The following DOCK10 variants were observed in gnomAD, a reference collection of about 807,000 sequenced individuals.
DOCK10 encodes dedicator of cytokinesis protein 10.
DOCK10 carries 145 observed loss-of-function variants against 280.1 expected under a neutral mutation model. The observed-to-expected ratio is 0.52, with a 90% CI of 0.45 to 0.59. The LOEUF is 0.59. Ranked by LOEUF, DOCK10 falls within the 20% of genes least tolerant of loss-of-function variation. The pLI is 0.00. For synonymous variants in DOCK10, 915 were observed against 942.2 expected (o/e 0.97, Z 0.53); for missense variants, 2,368 against 2,651.7 (o/e 0.89, Z 2.35).
intron 1 of DOCK10, among the ~76,000 whole-genome samples, chr2:224,980,761 C>G (rs903707819): frequency 6.6e-6 from 1 of 152,104 alleles, no homozygotes; most frequent in African/African-American, 2.4e-5. Flanking sequence ...ATTCGGGGAA[C>G]TGGTATTTAG....
intron 18 of DOCK10, among the ~76,000 whole-genome samples, chr2:224,851,819 C>CAT (rs1490968864): frequency 8.5e-5 from 13 of 152,256 alleles, no homozygotes; most frequent in Admixed American, 3.3e-4. Context: ...CCCGTTGCAG[C>CAT]TTTGTAGAGT....
intron 1 of DOCK10, among the ~76,000 whole-genome samples, chr2:224,964,107 G>A (rs528701262): frequency 1.7e-4 from 26 of 152,006 alleles, no homozygotes; most frequent in African/African-American, 6.3e-4. Flanking sequence ...GATGCGGAGG[G>A]TGTTAGCACA....
intron 40 of DOCK10, among the ~76,000 whole-genome samples, chr2:224,800,631 C>T (rs570257673): frequency 1.5e-4 from 23 of 152,312 alleles, no homozygotes; most frequent in Admixed American, 1.1e-3. Flanking sequence ...CTCGGAAAGT[C>T]ACAAAGTGTC....
chr2:224,827,853 C>A (rs1309258338), intron 27 of DOCK10, among the ~76,000 whole-genome samples: 2 of 152,324 alleles, frequency 1.3e-5, no homozygotes, highest in South Asian at 4.1e-4. Flanking sequence ...CAAGCCATTT[C>A]TGTCATACTA....
At chr2:224,872,356 G>T (rs1280105078) in intron 11 of DOCK10, among the ~76,000 whole-genome samples, 1 of 152,188 alleles carries the variant, frequency 6.6e-6, no homozygotes, top group African/African-American at 2.4e-5. Context: ...ACTTGAAATA[G>T]GCATTGTTAT....
chr2:224,914,875 C>A (rs945551907), intron 3 of DOCK10, among the ~76,000 whole-genome samples: 2 of 152,118 alleles, frequency 1.3e-5, no homozygotes, highest in Non-Finnish European at 2.9e-5. Flanking sequence ...TAAATACGAA[C>A]TATTAGGATA....
At chr2:224,793,527 G>A in intron 45 of DOCK10, 70 bp from the exon 46 acceptor site, 1 of 1,232,748 alleles carries the variant, frequency 8.1e-7, no homozygotes, top group Non-Finnish European at 1.2e-6. Flanking sequence ...ATCTTCCAAG[G>A]CGAGTCAGTA....
intron 31 of DOCK10, among the ~76,000 whole-genome samples, chr2:224,812,707 A>G (rs2125267190): frequency 6.6e-6 from 1 of 152,272 alleles, no homozygotes; most frequent in Admixed American, 6.5e-5. Flanking sequence ...GCATTGTTGA[A>G]TTTTGTCAAA....
chr2:224,776,226 TC>T (rs1253806246), intron 51 of DOCK10, among the ~76,000 whole-genome samples: 1 of 152,180 alleles, frequency 6.6e-6, no homozygotes, highest in Non-Finnish European at 1.5e-5. Flanking sequence ...GCCTATCCAG[TC>T]CCAGAGATTT....
intron 7 of DOCK10, among the ~76,000 whole-genome samples, chr2:224,882,440 A>G (rs1023030702): frequency 2.0e-5 from 3 of 152,184 alleles, no homozygotes; most frequent in African/African-American, 7.2e-5. Context: ...GCCAAGATTC[A>G]GGAAATTGTC....
intron 50 of DOCK10, among the ~76,000 whole-genome samples, chr2:224,785,265 C>T (rs1009250640): frequency 6.7e-6 from 1 of 148,166 alleles, no homozygotes; most frequent in Non-Finnish European, 1.5e-5. Flanking sequence ...GATTCTTTTC[C>T]ATGGACCCCA....
intron 1 of DOCK10, among the ~76,000 whole-genome samples, chr2:224,973,975 A>C (rs1705246147): frequency 6.6e-6 from 1 of 152,182 alleles, no homozygotes; most frequent in Non-Finnish European, 1.5e-5. Context: ...TCCAGGTCTC[A>C]GCTGCATTGC....
Position 224,830,560 on chromosome 2 carries a change from A to G in DOCK10, c.3017T>C (p.Ile1006Thr). 2.0e-6 allele frequency: 3 copies of G among 1,523,704 alleles called. No individual in the cohort carries two copies. The highest frequency in any genetic ancestry group is 2.3e-5 in the East Asian group (1 of 43,226). 94.4% of individuals were successfully genotyped at this position (1,523,704 alleles called of 1,614,324 possible). A position where few individuals can be genotyped will look rare whatever the true frequency, so the allele number is the denominator to read the frequency against. Reference sequence around the variant, plus strand: ...TCTTACCTGGATTTTATTTGTGTCAATCAAGTGCTGTGCCATCGATTTTAG... The same window carrying G: ...TCTTACCTGGATTTTATTTGTGTCAGTCAAGTGCTGTGCCATCGATTTTAG... ...IILKSMAQHL[I>T]DTNKIQLPRP... Residue 1006 changes from isoleucine (I) to threonine (T), a missense_variant, in exon 27 of 56, where the codon ATT becomes ACT. Coordinates refer to ENST00000258390, the MANE Select transcript of DOCK10 (RefSeq NM_014689.3).
chr2:224,982,230 T>C, intron 1 of DOCK10: 1 of 1,231,942 alleles, frequency 8.1e-7, no homozygotes, highest in Non-Finnish European at 1.0e-6. Context: ...GTTCTGGGTC[T>C]ATTCATTTCA....
chr2:224,896,480 G>A lies in DOCK10; in HGVS notation c.334-103C>T, dbSNP rs1257179277. 8 of 643,016 alleles carry A rather than the reference G, an allele frequency of 1.2e-5. No homozygotes were observed. In the Admixed American group the frequency reaches 1.6e-4, roughly 13 times the overall value. The allele number at this position is 643,016 out of a possible 1,614,324, so 39.8% of individuals were successfully genotyped here. A position where few individuals can be genotyped will look rare whatever the true frequency, so the allele number is the denominator to read the frequency against. ...TCCCAGCACTTTGAGAGTCTGAGGC[G>A]GGTAGATCACCTGAGATCAGGAGTT... On this transcript the variant is annotated intron_variant, in intron 3 of 55. Transcript: ENST00000258390.
chr2:224,921,112 A>AAAATATAT, intron 2 of DOCK10, among the ~76,000 whole-genome samples: 12 of 54,412 alleles, frequency 2.2e-4, no homozygotes, highest in African/African-American at 1.4e-3. Flanking sequence ...AAAAAAAAAA[A>AAAATATAT]ATATATATAT....
At chr2:224,999,250 C>A (rs377144703) in intron 1 of DOCK10, among the ~76,000 whole-genome samples, 1,532 of 117,430 alleles carry the variant, frequency 0.013, 27 homozygotes, top group African/African-American at 0.066. Context: ...GTCTCTCTCT[C>A]TTTTTTTTTT....
At chr2:224,872,906 A>C (rs189578131) in intron 11 of DOCK10, among the ~76,000 whole-genome samples, 14 of 152,066 alleles carry the variant, frequency 9.2e-5, no homozygotes, top group African/African-American at 3.1e-4. Flanking sequence ...TTAGGATATT[A>C]ACATAATCAA....
intron 1 of DOCK10, among the ~76,000 whole-genome samples, chr2:224,993,851 G>GA (rs1171007445): frequency 6.6e-6 from 1 of 152,086 alleles, no homozygotes; most frequent in African/African-American, 2.4e-5. Context: ...TTTCTACCTT[G>GA]AAAAACCCTT....
Sources: gnomAD v4.1 joint callset for allele counts (sites outside exome capture counted in the v4.1 genomes callset) on GRCh38, gnomAD v4.1.1 for gene constraint, MANE v1.5 for transcripts, NCBI Gene and HGNC (gene_info 2026-07-23, HGNC 2026-07-21) for gene names.